XRCC4: variants seen among roughly 807,000 people sequenced by gnomAD.
The protein encoded by XRCC4 is DNA repair protein XRCC4.
A neutral mutation model predicts 39.1 loss-of-function variants in XRCC4; 28 were observed. The ratio of observed to expected loss-of-function variants is 0.72; its 90% CI spans 0.53 to 0.98. The LOEUF is 0.98. Among genes scored for constraint, XRCC4 ranks in the 50% least tolerant of loss-of-function variants. XRCC4 has a pLI of 0.00. For missense variants in XRCC4, 350 were observed against 376.4 expected (o/e 0.93, Z 0.58); for synonymous variants, 123 against 126.4 (o/e 0.97, Z 0.18).
chr5:83,234,239 T>G (rs1045702878), intron 6 of XRCC4, among the ~76,000 whole-genome samples: 1 of 152,148 alleles, frequency 6.6e-6, no homozygotes, highest in African/African-American at 2.4e-5. Flanking sequence ...GGAAGTATAT[T>G]CCTAAGTTTT....
rs1751481132 is a variant in XRCC4, at chr5:83,207,868, G to A, written c.745+2947G>A. ...GAGAATTTCTTCCTGATCTTATTCT[G>A]CCATCTTGATAATAAATTACTTGCT... On this transcript the variant is annotated intron_variant, in intron 6 of 7. Transcript: ENST00000396027. 2.0e-5 allele frequency among the ~76,000 whole-genome samples: 3 copies of A among 151,940 alleles called. No individual in the cohort carries two copies. The South Asian group carries it at 6.2e-4, about 31-fold the overall frequency.
At chr5:83,250,243 A>G (rs1753255559) in intron 6 of XRCC4, among the ~76,000 whole-genome samples, 1 of 152,334 alleles carries the variant, frequency 6.6e-6, no homozygotes, top group Admixed American at 6.5e-5. Context: ...GCAAAATGAT[A>G]TAAATTGAAG....
chr5:83,312,412 T>C (rs1755738871), intron 7 of XRCC4, among the ~76,000 whole-genome samples: 2 of 152,192 alleles, frequency 1.3e-5, no homozygotes, highest in Admixed American at 1.3e-4. Context: ...AGAATTACTT[T>C]CTAAGCAATA....
chr5:83,093,014 G>GACACACAC lies in XRCC4; in HGVS notation c.-10-11874_-10-11867dup, dbSNP rs34020910. ...ATAAAAGACAAGGAGTAAATGAATG[G>GACACACAC]ACACACACACACACACACACACACA... On this transcript the variant is annotated intron_variant, in intron 1 of 7. Coordinates refer to ENST00000396027, the MANE Select transcript of XRCC4 (RefSeq NM_003401.5). Among the ~76,000 whole-genome samples the GACACACAC allele has an allele frequency of 3.1e-3, 461 of 149,420 alleles. 2 individuals are homozygous for GACACACAC. The highest frequency in any genetic ancestry group is 0.013 in the South Asian group (61 of 4,660).
chr5:83,320,960 G>A (rs779429699), intron 7 of XRCC4, among the ~76,000 whole-genome samples: 6 of 151,682 alleles, frequency 4.0e-5, no homozygotes, highest in Non-Finnish European at 7.4e-5. Context: ...TAAGGTGCCC[G>A]CCAACATGCC....
At chr5:83,293,984 ATTC>A (rs1755011439) in intron 7 of XRCC4, among the ~76,000 whole-genome samples, 2 of 152,122 alleles carry the variant, frequency 1.3e-5, no homozygotes, top group African/African-American at 4.8e-5. Context: ...TAGCTAACTA[ATTC>A]TTCTGGTTTC....
chr5:83,323,374 A>G (rs1319556303), intron 7 of XRCC4, among the ~76,000 whole-genome samples: 2 of 152,122 alleles, frequency 1.3e-5, no homozygotes, highest in Non-Finnish European at 2.9e-5. Flanking sequence ...GAAAATGAAT[A>G]TTACAGCATT....
chr5:83,077,579 G>A lies in XRCC4; in HGVS notation c.-47G>A, dbSNP rs374495210. 1.1e-5 allele frequency: 6 copies of A among 525,856 alleles called. No homozygotes were observed. Among genetic ancestry groups the A allele is most frequent in the Non-Finnish European group, 1.0e-5 (3 of 290,856 alleles). The allele number at this position is 525,856 out of a possible 1,614,324, so 32.6% of individuals were successfully genotyped here. ...GCAAAACCTTGATCTGTGAAAGCGG[G>A]CGTTTTGGAAGATACCGGAAGTAGA... On this transcript the variant is annotated 5_prime_UTR_variant, in exon 1 of 8. Coordinates refer to ENST00000396027, the MANE Select transcript of XRCC4 (RefSeq NM_003401.5).
chr5:83,302,103 G>T (rs1755306518), intron 7 of XRCC4, among the ~76,000 whole-genome samples: 1 of 152,106 alleles, frequency 6.6e-6, no homozygotes, highest in Admixed American at 6.5e-5. Context: ...TGACTATTCT[G>T]GCAGCAAGAA....
At chr5:83,143,394 A>G (rs372163703) in intron 3 of XRCC4, among the ~76,000 whole-genome samples, 13 of 152,196 alleles carry the variant, frequency 8.5e-5, no homozygotes, top group African/African-American at 3.1e-4. Flanking sequence ...CTATATGTGT[A>G]TCAAAATATC....
chr5:83,220,987 T>G (rs1338706184), intron 6 of XRCC4, among the ~76,000 whole-genome samples: 6 of 152,188 alleles, frequency 3.9e-5, no homozygotes, highest in Non-Finnish European at 7.3e-5. Context: ...TTCCTGATTT[T>G]CTGTAATCTG....
intron 7 of XRCC4, among the ~76,000 whole-genome samples, chr5:83,321,896 C>G (rs1171574503): frequency 1.3e-5 from 2 of 150,836 alleles, no homozygotes; most frequent in Non-Finnish European, 2.9e-5. Flanking sequence ...AGGAAACCAG[C>G]CAAGCATTCA....
intron 1 of XRCC4, among the ~76,000 whole-genome samples, chr5:83,102,961 G>A (rs1010538374): frequency 7.0e-6 from 1 of 142,834 alleles, no homozygotes; most frequent in Admixed American, 7.2e-5. Flanking sequence ...CATACAATGA[G>A]GATCCTGTTA....
At chr5:83,342,996 T>A (rs142906548) in intron 7 of XRCC4, among the ~76,000 whole-genome samples, 4 of 152,256 alleles carry the variant, frequency 2.6e-5, no homozygotes, top group Non-Finnish European at 4.4e-5. Flanking sequence ...ATATTTTGAT[T>A]TGGCTGTTTT....
intron 3 of XRCC4, among the ~76,000 whole-genome samples, chr5:83,166,734 G>T (rs931471774): frequency 2.7e-5 from 4 of 150,716 alleles, no homozygotes; most frequent in African/African-American, 9.8e-5. Flanking sequence ...GCCTCGGCCT[G>T]CCAAAGAGTT....
intron 3 of XRCC4, among the ~76,000 whole-genome samples, chr5:83,122,086 A>G (rs1747037503): frequency 6.6e-6 from 1 of 152,178 alleles, no homozygotes; most frequent in African/African-American, 2.4e-5. Flanking sequence ...CTTATAATAA[A>G]TCATGAAATC....
intron 7 of XRCC4, among the ~76,000 whole-genome samples, chr5:83,313,368 C>A (rs191222693): frequency 9.4e-4 from 143 of 152,174 alleles, no homozygotes; most frequent in African/African-American, 3.3e-3. Flanking sequence ...TTACATCTAA[C>A]CCATTCTTGG....
intron 4 of XRCC4, among the ~76,000 whole-genome samples, chr5:83,196,952 A>G (rs1750977275): frequency 6.6e-6 from 1 of 151,764 alleles, no homozygotes; most frequent in Non-Finnish European, 1.5e-5. Context: ...GAGGCTGACT[A>G]AAAGATTATT....
intron 7 of XRCC4, among the ~76,000 whole-genome samples, chr5:83,350,252 A>G (rs1757040287): frequency 6.6e-6 from 1 of 152,146 alleles, no homozygotes; most frequent in Non-Finnish European, 1.5e-5. Flanking sequence ...TTGGCAGAAC[A>G]CTTTGGGTTT....
Sources: allele counts gnomAD v4.1 joint callset (sites outside exome capture counted in the v4.1 genomes callset), GRCh38; gene constraint gnomAD v4.1.1; transcripts MANE v1.5; gene names NCBI Gene and HGNC (gene_info 2026-07-23, HGNC 2026-07-21).